SCYGR6: variants seen among roughly 807,000 people sequenced by gnomAD.
SCYGR6 encodes small cysteine and glycine repeat-containing protein 6.
At chr2:227,724,624 C>G (rs1030268534) in exon 1 of SCYGR6, 1 of 400,634 alleles carries the variant, frequency 2.5e-6, no homozygotes, top group Non-Finnish European at 4.4e-6. Context: ...GCTGGAGCAG[C>G]AGCCCACCCG....
exon 1 of SCYGR6, chr2:227,724,487 C>G: frequency 2.5e-6 from 1 of 396,536 alleles, no homozygotes; most frequent in Non-Finnish European, 4.4e-6. Context: ...TGACAGCAGC[C>G]CTTCTGCTGG....
exon 1 of SCYGR6, chr2:227,724,598 G>C (rs996138375): frequency 2.5e-6 from 1 of 398,874 alleles, no homozygotes; most frequent in Non-Finnish European, 4.4e-6. Context: ...CAGCAGCCGC[G>C]GCAGCAGGGG....
exon 1 of SCYGR6, chr2:227,724,656 G>T (rs112270544): frequency 2.0e-5 from 8 of 402,220 alleles, no homozygotes; most frequent in South Asian, 1.2e-4. Context: ...AGGTGGTGCA[G>T]CTGCCACAGC....
exon 1 of SCYGR6, chr2:227,724,489 T>C (rs974667352): frequency 5.0e-6 from 2 of 396,458 alleles, no homozygotes; most frequent in African/African-American, 2.1e-5. Flanking sequence ...ACAGCAGCCC[T>C]TCTGCTGGCA....
At chr2:227,724,613 A>C (rs1485886923) in exon 1 of SCYGR6, 3 of 399,746 alleles carry the variant, frequency 7.5e-6, no homozygotes, top group Non-Finnish European at 1.3e-5. Flanking sequence ...CAGGGGCAGC[A>C]GCTGGAGCAG....
chr2:227,724,720 C>T, exon 1 of SCYGR6: 1 of 412,756 alleles, frequency 2.4e-6, no homozygotes, highest in Non-Finnish European at 4.2e-6. Flanking sequence ...GCAGCCACCG[C>T]AGCCACCACC....
At chr2:227,724,668 A>G in exon 1 of SCYGR6, 1 of 405,502 alleles carries the variant, frequency 2.5e-6, no homozygotes. Context: ...TGCCACAGCC[A>G]CCACCGCAGC....
In SCYGR6 at chr2:227,724,730, C is replaced by A. The variant is rs548118752; in HGVS notation, c.28G>T (p.Gly10Cys). 13 of 411,512 alleles carry A rather than the reference C, an allele frequency of 3.2e-5. No homozygotes were observed. In the East Asian group the frequency reaches 3.9e-4, roughly 12 times the overall value. The allele number at this position is 411,512 out of a possible 1,614,324, so 25.5% of individuals were successfully genotyped here. A position where few individuals can be genotyped will look rare whatever the true frequency, so the allele number is the denominator to read the frequency against. Reference sequence around the variant, plus strand: ...CCACCGCAGCCACCGCAGCCACCACCGCAGCCACCACACCCACAGCAACCC... The same window carrying A: ...CCACCGCAGCCACCGCAGCCACCACAGCAGCCACCACACCCACAGCAACCC... The change falls in exon 1 of 1, where the codon GGT becomes TGT. Residue 10 changes from glycine (G) to cysteine (C), a missense_variant. Physicochemically the swap from Gly to Cys is radical, Grantham distance 159. Transcript: ENST00000641918.
At chr2:227,724,584 T>C (rs574439575) in exon 1 of SCYGR6, 10 of 398,768 alleles carry the variant, frequency 2.5e-5, no homozygotes, top group African/African-American at 8.2e-5. Flanking sequence ...TGCAGCAGCC[T>C]CCACAGCAGC....
exon 1 of SCYGR6, chr2:227,724,674 G>A (rs375209498): frequency 0.012 from 5,014 of 407,642 alleles, 45 homozygotes; most frequent in South Asian, 0.02. Flanking sequence ...AGCCACCACC[G>A]CAGCCACCAC....
At chr2:227,724,525 C>T in exon 1 of SCYGR6, 1 of 397,344 alleles carries the variant, frequency 2.5e-6, no homozygotes, top group Admixed American at 4.4e-5. Context: ...GCCACAGCCG[C>T]AGCCACATGA....
exon 1 of SCYGR6, chr2:227,724,644 G>A (rs1696528651): frequency 5.0e-6 from 2 of 401,774 alleles, no homozygotes; most frequent in Non-Finnish European, 8.7e-6. Flanking sequence ...GGTAGCACCT[G>A]CAGGTGGTGC....
exon 1 of SCYGR6, chr2:227,724,458 C>T (rs1358427353): frequency 2.5e-6 from 1 of 398,662 alleles, no homozygotes; most frequent in Non-Finnish European, 4.4e-6. Flanking sequence ...AGCATTGCTT[C>T]TTGCAGCAGC....
At chr2:227,724,606 G>A (rs1696528189) in exon 1 of SCYGR6, 1 of 399,590 alleles carries the variant, frequency 2.5e-6, no homozygotes, top group Non-Finnish European at 4.4e-6. Flanking sequence ...GCGGCAGCAG[G>A]GGCAGCAGCT....
At chr2:227,724,743 C>G (rs1014849439) in exon 1 of SCYGR6, 2 of 408,070 alleles carry the variant, frequency 4.9e-6, no homozygotes, top group South Asian at 1.2e-4. Context: ...AGCCACCACA[C>G]CCACAGCAAC....
chr2:227,724,686 ACAGCCACCACTG>A (rs1372501947), exon 1 of SCYGR6: 23 of 409,270 alleles, frequency 5.6e-5, no homozygotes, highest in South Asian at 2.3e-4. Context: ...AGCCACCACC[ACAGCCACCACTG>A]CAGCCACCAC....
exon 1 of SCYGR6, chr2:227,724,659 GCCACAGCCACCACCGCAGCCACCA>G (rs1452053580): frequency 6.7e-5 from 27 of 402,718 alleles, no homozygotes; most frequent in South Asian, 3.6e-4. Flanking sequence ...TGGTGCAGCT[GCCACAGCCACCACCGCAGCCACCA>G]CCACAGCCAC....
At chr2:227,724,464 G>A (rs1559265036) in exon 1 of SCYGR6, 2 of 355,312 alleles carry the variant, frequency 5.6e-6, no homozygotes, top group East Asian at 8.6e-5. Flanking sequence ...GCTTCTTGCA[G>A]CAGCCCTTCT....
chr2:227,724,643 T>C, exon 1 of SCYGR6: 1 of 401,492 alleles, frequency 2.5e-6, no homozygotes. Context: ...CGGTAGCACC[T>C]GCAGGTGGTG....
Sources: allele counts gnomAD v4.1 joint callset, GRCh38; gene constraint gnomAD v4.1.1; transcripts MANE v1.5; gene names NCBI Gene and HGNC (gene_info 2026-07-23, HGNC 2026-07-21).